LUZP2: variants seen among roughly 807,000 people sequenced by gnomAD.
LUZP2 encodes the protein leucine zipper protein 2.
A neutral mutation model predicts 51.6 loss-of-function variants in LUZP2; 52 were observed. The observed-to-expected ratio is 1.01, with a 90% confidence interval of 0.81 to 1.27. The LOEUF (loss-of-function observed/expected upper bound fraction) is 1.27. Ranked by LOEUF, LUZP2 falls within the 50% of genes most tolerant of loss-of-function variation. The probability of loss-of-function intolerance (pLI) is 0.00; values close to 1 mark genes in which losing one functional copy is unlikely to be tolerated. For missense variants in LUZP2, 436 were observed against 395.4 expected (o/e 1.10, Z -0.87); for synonymous variants, 154 against 137.3 (o/e 1.12, Z -0.85).
At position 25,010,170 on chromosome 11, in the gene LUZP2, T is replaced by C. The variant is rs964350562; in HGVS notation, c.765+26877T>C. The stretch of plus-strand genomic sequence containing the variant: ...AATTTCTATTCAAGTAACCTTAAAT[T>C]CAAGCATATGCTGCTATTTCCTAGT... On this transcript the variant is annotated intron_variant, in intron 9 of 11. Transcript: ENST00000336930. Among the ~76,000 whole-genome samples, 12 of 152,294 alleles carry C rather than the reference T, an allele frequency of 7.9e-5. No homozygotes were observed. In the East Asian group the frequency reaches 1.4e-3, roughly 17 times the overall value.
At chr11:24,547,931 C>T (rs145506447) in intron 1 of LUZP2, among the ~76,000 whole-genome samples, 2 of 152,058 alleles carry the variant, frequency 1.3e-5, no homozygotes, top group African/African-American at 2.4e-5. Flanking sequence ...TCTATGTGGC[C>T]AATAAGCATA....
chr11:24,973,836 G>A (rs187865753), intron 7 of LUZP2, among the ~76,000 whole-genome samples: 14 of 152,054 alleles, frequency 9.2e-5, no homozygotes, highest in African/African-American at 3.1e-4. Flanking sequence ...ATTTACCGAG[G>A]AGTGTTTTAC....
chr11:25,062,154 A>G (rs1858858839), intron 10 of LUZP2, among the ~76,000 whole-genome samples: 1 of 151,410 alleles, frequency 6.6e-6, no homozygotes, highest in Non-Finnish European at 1.5e-5. Flanking sequence ...GAAGGGAAAA[A>G]GGGAAGGGAA....
chr11:24,925,743 T>C (rs1426466649), intron 7 of LUZP2, among the ~76,000 whole-genome samples: 2 of 152,052 alleles, frequency 1.3e-5, no homozygotes, highest in African/African-American at 2.4e-5. Context: ...TTTTTTAATT[T>C]AATTTTTTTA....
intron 5 of LUZP2, among the ~76,000 whole-genome samples, chr11:24,817,221 A>G (rs1250708237): frequency 2.4e-5 from 1 of 41,184 alleles, no homozygotes; most frequent in Non-Finnish European, 4.7e-5. Flanking sequence ...ATCATTAATA[A>G]CAACAAGTTA....
At chr11:24,545,017 T>G (rs776763000) in intron 1 of LUZP2, among the ~76,000 whole-genome samples, 4 of 152,162 alleles carry the variant, frequency 2.6e-5, no homozygotes, top group Non-Finnish European at 5.9e-5. Flanking sequence ...GTGGTTTTGA[T>G]TTGCATTTCT....
intron 5 of LUZP2, among the ~76,000 whole-genome samples, chr11:24,777,061 C>G (rs1032871123): frequency 1.4e-5 from 2 of 145,046 alleles, no homozygotes; most frequent in African/African-American, 5.1e-5. Context: ...GTGGTGTGAT[C>G]TCGGCTCACT....
In LUZP2 at chr11:24,525,512, G is replaced by A. The variant is rs529041515; in HGVS notation, c.62+28207G>A. 1.1e-4 allele frequency among the ~76,000 whole-genome samples: 17 copies of A among 151,592 alleles called. 1 individual carries two copies. The highest frequency in any genetic ancestry group is 3.9e-4 in the African/African-American group (16 of 41,490). On this transcript the variant is annotated intron_variant, in intron 1 of 11. Transcript: ENST00000336930. ...CAAAGTTAAGTTAAATTGCTGTAAC[G>A]TAAAGAATATGTATGTTGTCATAGG...
In LUZP2 at chr11:25,050,114, C is replaced by A. The variant is rs146495649; in HGVS notation, c.842C>A (p.Ala281Asp). Residue 281 changes from alanine (A) to aspartate (D), a missense_variant, in exon 10 of 12, where the codon GCC becomes GAC. Coordinates refer to ENST00000336930, the MANE Select transcript of LUZP2 (RefSeq NM_001009909.4). ...AAGGAAGGAAATCCAAGTACCACTG[C>A]CTGTGACTCTCAAGATGTAAGAAAA... ...STKEGNPSTT[A>D]CDSQDEGRPC... 6.3e-7 allele frequency: 1 copy of A among 1,596,604 alleles called. No individual in the cohort carries two copies. Among genetic ancestry groups the A allele is most frequent in the Non-Finnish European group, 8.5e-7 (1 of 1,170,438 alleles).
intron 1 of LUZP2, among the ~76,000 whole-genome samples, chr11:24,695,999 A>G (rs756008217): frequency 2.2e-4 from 34 of 152,232 alleles, no homozygotes; most frequent in African/African-American, 7.0e-4. Context: ...TGGGATCGGT[A>G]TATGTGTGGG....
At chr11:24,802,756 T>C (rs1307342213) in intron 5 of LUZP2, among the ~76,000 whole-genome samples, 5 of 152,060 alleles carry the variant, frequency 3.3e-5, no homozygotes, top group Non-Finnish European at 5.9e-5. Context: ...TGTGAGTCTC[T>C]GTAAAATTCA....
chr11:24,501,824 G>A (rs1249407787), intron 1 of LUZP2, among the ~76,000 whole-genome samples: 2 of 152,084 alleles, frequency 1.3e-5, no homozygotes, highest in Non-Finnish European at 2.9e-5. Context: ...AAACAAAATT[G>A]GGTAAATAAC....
chr11:24,793,462 GAA>G (rs1282691953), intron 5 of LUZP2, among the ~76,000 whole-genome samples: 2 of 152,138 alleles, frequency 1.3e-5, no homozygotes, highest in Non-Finnish European at 2.9e-5. Flanking sequence ...GGTTTGCAGT[GAA>G]AAGACTTTTA....
At chr11:24,525,414 A>G (rs1850768321) in intron 1 of LUZP2, among the ~76,000 whole-genome samples, 1 of 151,538 alleles carries the variant, frequency 6.6e-6, no homozygotes, top group African/African-American at 2.4e-5. Context: ...TTTTGCAGGC[A>G]TGACTTTAAC....
Position 24,983,247 on chromosome 11 carries a change from C to G in LUZP2, c.719C>G (p.Pro240Arg). Residue 240 changes from proline (P) to arginine (R), a missense_variant, in exon 9 of 12, where the codon CCC becomes CGC. Transcript: ENST00000336930. ...TSNPTRMLLP[P>R]RNIASKLPDA... is the part of the protein sequence containing the mutation. ...AATCCAACTCGGATGTTACTCCCAC[C>G]CAGGAATATTGCCTCTAAGCTTCCA... The G allele has an allele frequency of 6.2e-7, 1 of 1,612,076 alleles. No individual in the cohort carries two copies. The highest frequency in any genetic ancestry group is 1.1e-5 in the South Asian group (1 of 90,998).
intron 5 of LUZP2, among the ~76,000 whole-genome samples, chr11:24,785,332 C>A (rs1397486295): frequency 6.6e-6 from 1 of 151,966 alleles, no homozygotes; most frequent in Non-Finnish European, 1.5e-5. Flanking sequence ...AACTAACAAT[C>A]TAAGGCTTAA....
intron 1 of LUZP2, among the ~76,000 whole-genome samples, chr11:24,505,685 T>TA (rs1188303537): frequency 2.6e-5 from 4 of 152,058 alleles, no homozygotes; most frequent in Admixed American, 6.6e-5. Context: ...TATTACAAAC[T>TA]AAAAAAACAA....
rs192254852 is a variant in LUZP2, at chr11:24,897,252, A to C, written c.397-8739A>C. Among the ~76,000 whole-genome samples, 17 of 152,380 alleles carry C rather than the reference A, an allele frequency of 1.1e-4. 1 individual carries two copies. In the East Asian group the frequency reaches 3.3e-3, roughly 29 times the overall value. On this transcript the variant is annotated intron_variant, in intron 5 of 11. Transcript: ENST00000336930. ...CAATCAGCTCTCTGTAAAATGGGCC[A>C]ATCAGCAGGATGCAGGTGGGGTCAG...
chr11:24,947,499 C>G lies in LUZP2; in HGVS notation c.523-29092C>G, dbSNP rs138618827. Among the ~76,000 whole-genome samples the G allele has an allele frequency of 2.0e-4, 30 of 152,010 alleles. No individual in the cohort carries two copies. The East Asian group carries it at 5.8e-3, about 29-fold the overall frequency. ...GTTGTTCAAGTGTTAACTATATAAT[C>G]TTTTATATATTACTTATTTTATTAC... On this transcript the variant is annotated intron_variant, in intron 7 of 11. Transcript: ENST00000336930.
Sources: gnomAD v4.1 joint callset for allele counts (sites outside exome capture counted in the v4.1 genomes callset) on GRCh38, gnomAD v4.1.1 for gene constraint, MANE v1.5 for transcripts, NCBI Gene and HGNC (gene_info 2026-07-23, HGNC 2026-07-21) for gene names.